Variants in DOCK10 observed in about 807,000 individuals in gnomAD.
The protein encoded by DOCK10 is dedicator of cytokinesis protein 10.
A neutral mutation model predicts 280.1 loss-of-function variants in DOCK10; 145 were observed. The ratio of observed to expected loss-of-function variants is 0.52; its 90% confidence interval spans 0.45 to 0.59. DOCK10 has a LOEUF of 0.59. Among genes scored for constraint, DOCK10 ranks in the 20% least tolerant of loss-of-function variants. The pLI is 0.00. For missense variants in DOCK10, 2,368 were observed against 2,651.7 expected (o/e 0.89, Z 2.35); for synonymous variants, 915 against 942.2 (o/e 0.97, Z 0.53).
intron 29 of DOCK10, 111 bp from the exon 30 acceptor site, chr2:224,816,824 C>T: frequency 1.5e-6 from 1 of 649,372 alleles, no homozygotes; most frequent in Non-Finnish European, 2.7e-6. Context: ...AAAGTAGTTA[C>T]CATACACTTG....
intron 27 of DOCK10, among the ~76,000 whole-genome samples, chr2:224,828,431 C>T (rs1166160020): frequency 2.0e-5 from 3 of 152,016 alleles, no homozygotes; most frequent in Non-Finnish European, 4.4e-5. Flanking sequence ...GTTGTCCTGG[C>T]AGAGGATAGA....
chr2:224,990,151 C>T (rs1327368616), intron 1 of DOCK10, among the ~76,000 whole-genome samples: 4 of 152,214 alleles, frequency 2.6e-5, no homozygotes, highest in Admixed American at 1.3e-4. Flanking sequence ...CATTTGGATG[C>T]ATCGGAAAAT....
At chr2:224,903,075 G>A (rs1228283869) in intron 3 of DOCK10, among the ~76,000 whole-genome samples, 1 of 152,216 alleles carries the variant, frequency 6.6e-6, no homozygotes, top group East Asian at 1.9e-4. Context: ...TCCAGCCTGG[G>A]CGACAGAGCG....
chr2:224,921,108 A>ATATATATAT (rs1553613930), intron 2 of DOCK10, among the ~76,000 whole-genome samples: 20 of 71,058 alleles, frequency 2.8e-4, no homozygotes, highest in African/African-American at 2.1e-3. Flanking sequence ...AAAAAAAAAA[A>ATATATATAT]AAAAATATAT....
At position 224,852,943 on chromosome 2, in the gene DOCK10, A is replaced by G. The variant is rs558152637; in HGVS notation, c.2068T>C (p.Phe690Leu). ...KHLKYDSQKC[F>L]NKARNITVCI... Reference sequence around the variant, plus strand: ...TGGAACTTATATCATACCTTGTTGAAGCATTTCTGGCTATCATACTTGAGG... The same window carrying G: ...TGGAACTTATATCATACCTTGTTGAGGCATTTCTGGCTATCATACTTGAGG... Residue 690 changes from phenylalanine (F) to leucine (L), a missense_variant, in exon 17 of 56, where the codon TTC becomes CTC. This residue lies in a region of DOCK10 where 1,209 missense variants were observed against 1,250.9 expected (regional missense o/e 0.97). Coordinates refer to ENST00000258390, the MANE Select transcript of DOCK10 (RefSeq NM_014689.3). 6 of 1,592,910 alleles carry G rather than the reference A, an allele frequency of 3.8e-6. No individual in the cohort carries two copies. In the South Asian group the frequency reaches 5.7e-5, roughly 15 times the overall value.
At chr2:225,028,878 T>C (rs1012233827) in intron 1 of DOCK10, among the ~76,000 whole-genome samples, 1 of 152,166 alleles carries the variant, frequency 6.6e-6, no homozygotes, top group Non-Finnish European at 1.5e-5. Context: ...ACATCACATA[T>C]TCAAGAAGTA....
At chr2:224,992,560 T>C (rs1255429150) in intron 1 of DOCK10, among the ~76,000 whole-genome samples, 1 of 152,230 alleles carries the variant, frequency 6.6e-6, no homozygotes, top group Non-Finnish European at 1.5e-5. Flanking sequence ...ATTCAGAAGA[T>C]TAACTTGATA....
intron 41 of DOCK10, 32 bp downstream of exon 41, chr2:224,800,118 AT>A: frequency 1.5e-6 from 2 of 1,345,370 alleles, no homozygotes; most frequent in South Asian, 1.4e-5. Context: ...ATATTTCATC[AT>A]TTTTTGCAGA....
chr2:224,874,630 A>C (rs915691524), intron 9 of DOCK10, 36 bp downstream of exon 9: 1 of 1,563,748 alleles, frequency 6.4e-7, no homozygotes, highest in Non-Finnish European at 8.8e-7. Flanking sequence ...CAAATAATTC[A>C]AATTGGTTTT....
At chr2:224,877,450 G>GGTTCCTATTCTATTGGAATAA (rs1698701685) in intron 7 of DOCK10, among the ~76,000 whole-genome samples, 7 of 151,054 alleles carry the variant, frequency 4.6e-5, no homozygotes, top group Non-Finnish European at 2.9e-5. Context: ...TATTGGAATA[G>GGTTCCTATTCTATTGGAATAA]GTTCCTATTC....
chr2:224,843,842 G>C (rs374297773), intron 22 of DOCK10, among the ~76,000 whole-genome samples: 2 of 152,092 alleles, frequency 1.3e-5, no homozygotes, highest in African/African-American at 4.8e-5. Flanking sequence ...ATAGACTTTC[G>C]CACTTCATGA....
At chr2:224,899,858 C>A (rs1038946285) in intron 3 of DOCK10, among the ~76,000 whole-genome samples, 1 of 152,122 alleles carries the variant, frequency 6.6e-6, no homozygotes, top group Admixed American at 6.5e-5. Context: ...TCTAAGTTAG[C>A]AAAATGAAAA....
intron 7 of DOCK10, among the ~76,000 whole-genome samples, chr2:224,877,022 T>C (rs1698670399): frequency 6.6e-6 from 1 of 152,180 alleles, no homozygotes; most frequent in Non-Finnish European, 1.5e-5. Context: ...CTTTTTCTAG[T>C]TCCCGAATGT....
rs1004088476 is a variant in DOCK10, at chr2:225,004,621, C to T, written c.123+37631G>A. ...GAGCTAGCCTTAAGAAATGGGGGAGCTGTGTTTGAATTGACATCCTTCTGA... is the reference window on the plus strand; with the variant it reads ...GAGCTAGCCTTAAGAAATGGGGGAGTTGTGTTTGAATTGACATCCTTCTGA... On this transcript the variant is annotated intron_variant, in intron 1 of 55. Transcript: ENST00000258390. 7.9e-5 allele frequency among the ~76,000 whole-genome samples: 12 copies of T among 152,202 alleles called. 1 individual carries two copies. Among genetic ancestry groups the T allele is most frequent in the Non-Finnish European group, 1.5e-5 (1 of 68,042 alleles).
intron 27 of DOCK10, among the ~76,000 whole-genome samples, chr2:224,827,961 A>G (rs1001871493): frequency 3.3e-5 from 5 of 152,144 alleles, no homozygotes; most frequent in African/African-American, 7.2e-5. Flanking sequence ...CACTTCCCTG[A>G]AGCCTTAGTG....
intron 1 of DOCK10, among the ~76,000 whole-genome samples, chr2:224,965,920 G>A (rs571354907): frequency 2.6e-5 from 4 of 152,216 alleles, no homozygotes; most frequent in East Asian, 3.9e-4. Context: ...ATTCAACCAC[G>A]TCTCTTATAT....
intron 1 of DOCK10, among the ~76,000 whole-genome samples, chr2:224,996,018 T>G (rs571962954): frequency 1.3e-5 from 2 of 152,328 alleles, no homozygotes; most frequent in East Asian, 1.9e-4. Context: ...GTAATTTGAG[T>G]CAACTAGTAA....
intron 2 of DOCK10, among the ~76,000 whole-genome samples, chr2:224,929,676 G>C (rs780980747): frequency 6.6e-6 from 1 of 152,196 alleles, no homozygotes; most frequent in African/African-American, 2.4e-5. Context: ...AGTTATTCTT[G>C]TATTGTCTGT....
chr2:224,972,560 ACT>A (rs1279089985), intron 1 of DOCK10, among the ~76,000 whole-genome samples: 3 of 152,232 alleles, frequency 2.0e-5, no homozygotes, highest in African/African-American at 7.2e-5. Context: ...AATTAAAAAC[ACT>A]GAGATAACTT....
Sources: allele counts gnomAD v4.1 joint callset (sites outside exome capture counted in the v4.1 genomes callset), GRCh38; gene constraint gnomAD v4.1.1; regional missense constraint gnomAD v4.1.1; transcripts MANE v1.5; gene names NCBI Gene and HGNC (gene_info 2026-07-23, HGNC 2026-07-21).